The following EXOC3 variants were observed in gnomAD, a reference collection of about 807,000 sequenced individuals.
The protein encoded by EXOC3 is SEC6-like 1.
A neutral mutation model predicts 73.7 loss-of-function variants in EXOC3; 21 were observed. The observed-to-expected ratio is 0.29, with a 90% CI of 0.20 to 0.41. EXOC3 has a LOEUF of 0.41. Ranked by LOEUF, EXOC3 falls within the 10% of genes least tolerant of loss-of-function variation. The pLI is 1.00. For missense variants in EXOC3, 842 were observed against 985.1 expected (o/e 0.85, Z 1.95); for synonymous variants, 410 against 389.1 (o/e 1.05, Z -0.63).
Position 456,897 on chromosome 5 carries a change from T to C in EXOC3, c.1055T>C (p.Met352Thr). The C allele has an allele frequency of 1.9e-6, 3 of 1,613,386 alleles. No homozygotes were observed. The highest frequency in any genetic ancestry group is 2.5e-6 in the Non-Finnish European group (3 of 1,179,338). ...WVLNTYTSTE[M>T]MRNVELAPEV... ...TCCTGGTTCCCCCATAGTACTGAGA[T>C]GATGAGGAACGTGGAGCTGGCCCCG... is the stretch of plus-strand genomic sequence containing the variant. The change falls in exon 5 of 13, where the codon ATG becomes ACG. Residue 352 changes from methionine to threonine, a missense_variant. Met to Thr is a moderately conservative substitution (Grantham distance 81). Transcript: ENST00000512944.
chr5:461,211 C>T (rs1229673250), intron 7 of EXOC3, among the ~76,000 whole-genome samples: 1 of 152,174 alleles, frequency 6.6e-6, no homozygotes, highest in Admixed American at 6.5e-5. Context: ...TCACAATCAA[C>T]TATGTAGTAT....
At chr5:456,350 T>C (rs1248192133) in intron 4 of EXOC3, among the ~76,000 whole-genome samples, 1 of 152,108 alleles carries the variant, frequency 6.6e-6, no homozygotes, top group Non-Finnish European at 1.5e-5. Flanking sequence ...CCAAATACTT[T>C]CAGTTTGTGT....
intron 12 of EXOC3, 68 bp downstream of exon 12, chr5:465,913 T>C (rs1579747551): frequency 6.6e-7 from 1 of 1,525,288 alleles, no homozygotes. Flanking sequence ...CCTCCTTCTG[T>C]CTGGGGCGGG....
chr5:459,236 TCTCTGAA>T, intron 6 of EXOC3, 116 bp from the exon 7 acceptor site: 1 of 385,766 alleles, frequency 2.6e-6, no homozygotes, highest in Non-Finnish European at 4.6e-6. Flanking sequence ...ATTTTTTTTT[TCTCTGAA>T]TTTGGACTAT....
chr5:465,701 T>A lies in EXOC3; in HGVS notation c.1939-17T>A. ...GGACAGCCGAGGGCGGCTCCTCACA[T>A]TGCTGCTGCCTTCCAGGGTTTCGGG... On this transcript the variant is annotated splice_polypyrimidine_tract_variant and intron_variant, in intron 11 of 12. Transcript: ENST00000512944. 6.2e-7 allele frequency: 1 copy of A among 1,613,620 alleles called. No homozygotes were observed. Among genetic ancestry groups the A allele is most frequent in the Non-Finnish European group, 8.5e-7 (1 of 1,179,794 alleles).
At chr5:462,126 G>T in intron 8 of EXOC3, 31 bp from the exon 9 acceptor site, 4 of 1,612,094 alleles carry the variant, frequency 2.5e-6, no homozygotes, top group Non-Finnish European at 3.4e-6. Context: ...CTGCCCAGCC[G>T]CTGTGTTGAA....
At position 465,192 on chromosome 5, in the gene EXOC3, C is replaced by T; in HGVS notation, c.1858C>T (p.Pro620Ser). Residue 620 changes from proline (P) to serine (S), a missense_variant, in exon 11 of 13, where the codon CCG becomes TCG. Physicochemically the swap from Pro to Ser is moderately conservative, Grantham distance 74. Transcript: ENST00000512944. ...GCAGAAGCGCATTTCCTTCCGGAGC[C>T]CGGAGGAGCGCAAGGAGGGTGCCGA... Reference protein sequence around the residue: ...VMQKRISFRSPEERKEGAEKM... With the variant: ...VMQKRISFRSSEERKEGAEKM... 3 of 1,595,592 alleles carry T rather than the reference C, an allele frequency of 1.9e-6. No individual in the cohort carries two copies. The highest frequency in any genetic ancestry group is 2.6e-6 in the Non-Finnish European group (3 of 1,171,530).
chr5:455,708 A>G (rs546839084), intron 4 of EXOC3, among the ~76,000 whole-genome samples: 1 of 152,326 alleles, frequency 6.6e-6, no homozygotes, highest in Non-Finnish European at 1.5e-5. Flanking sequence ...GCTTCACGCC[A>G]TTCTCCTGCC....
At chr5:456,414 C>T (rs564296380) in intron 4 of EXOC3, among the ~76,000 whole-genome samples, 142 of 151,728 alleles carry the variant, frequency 9.4e-4, no homozygotes, top group African/African-American at 3.2e-3. Context: ...CTGTGCTTGT[C>T]GTTTTGACTG....
In EXOC3 at chr5:466,913, C is replaced by T. The variant is rs762297918; in HGVS notation, c.*15C>T. Reference sequence around the variant, plus strand: ...TGCTCAAGTAGCCTCCGCCGGCCTGCCCTGCTCGCCCCTCCACAGCCTCGG... The same window carrying T: ...TGCTCAAGTAGCCTCCGCCGGCCTGTCCTGCTCGCCCCTCCACAGCCTCGG... On this transcript the variant is annotated 3_prime_UTR_variant, in exon 13 of 13. Transcript: ENST00000512944. The T allele has an allele frequency of 3.8e-6, 6 of 1,577,840 alleles. No individual in the cohort carries two copies. Among genetic ancestry groups the T allele is most frequent in the East Asian group, 2.4e-5 (1 of 42,476 alleles).
intron 3 of EXOC3, among the ~76,000 whole-genome samples, chr5:450,837 C>A (rs1393516788): frequency 6.6e-6 from 1 of 150,608 alleles, no homozygotes; most frequent in Non-Finnish European, 1.5e-5. Flanking sequence ...ATTAGTATAA[C>A]CACTCCTGTT....
At chr5:463,799 A>G (rs186259790) in intron 9 of EXOC3, among the ~76,000 whole-genome samples, 9 of 152,372 alleles carry the variant, frequency 5.9e-5, no homozygotes, top group African/African-American at 1.9e-4. Context: ...GCAAAATGTG[A>G]AAAAAATTTA....
At chr5:461,196 A>G (rs1343949585) in intron 7 of EXOC3, among the ~76,000 whole-genome samples, 1 of 152,218 alleles carries the variant, frequency 6.6e-6, no homozygotes, top group East Asian at 1.9e-4. Context: ...TGCTTTCCCA[A>G]TTCCTCACAA....
rs1389535913 is a variant in EXOC3, at chr5:465,251, C to T, written c.1917C>T (p.Phe639=). Residue 639 remains phenylalanine (F), a synonymous_variant, in exon 11 of 13, where the codon TTC becomes TTT. Coordinates refer to ENST00000512944, the MANE Select transcript of EXOC3 (RefSeq NM_007277.5). ...TTAGGGAGGCAGAGCAGCTGCGCTTCCTGTTCCGGAAGCTGGCGTCCGTGA... is the reference window on the plus strand; with the variant it reads ...TTAGGGAGGCAGAGCAGCTGCGCTTTCTGTTCCGGAAGCTGGCGTCCGTGA... ...KMVREAEQLR[F]LFRKLASGFG... is the part of the protein sequence containing the mutation. The T allele has an allele frequency of 3.8e-6, 6 of 1,588,808 alleles. No homozygotes were observed. Among genetic ancestry groups the T allele is most frequent in the Non-Finnish European group, 5.1e-6 (6 of 1,168,284 alleles).
At chr5:452,041 T>G (rs1034016876) in intron 3 of EXOC3, among the ~76,000 whole-genome samples, 1 of 152,236 alleles carries the variant, frequency 6.6e-6, no homozygotes, top group East Asian at 1.9e-4. Context: ...TTGGAGGTCA[T>G]TGAGCTTCTT....
At position 446,282 on chromosome 5, in the gene EXOC3, T is replaced by C. The variant is rs1402255797; in HGVS notation, c.77T>C (p.Leu26Pro). Residue 26 changes from leucine to proline, a missense_variant, in exon 2 of 13, where the codon CTG becomes CCG. Physicochemically the swap from Leu to Pro is moderately conservative, Grantham distance 98. Coordinates refer to ENST00000512944, the MANE Select transcript of EXOC3 (RefSeq NM_007277.5). Reference protein sequence around the residue: ...VAGMLQRPDQLDKVEQYRRRE... With the variant: ...VAGMLQRPDQPDKVEQYRRRE... The stretch of plus-strand genomic sequence containing the variant: ...GGGATGCTCCAGCGCCCGGACCAGC[T>C]GGACAAGGTGGAGCAGTATCGCAGG... The C allele has an allele frequency of 1.9e-6, 3 of 1,613,794 alleles. No individual in the cohort carries two copies. The highest frequency in any genetic ancestry group is 2.5e-6 in the Non-Finnish European group (3 of 1,179,878).
intron 4 of EXOC3, among the ~76,000 whole-genome samples, chr5:455,043 G>C (rs7702826): frequency 1.1e-3 from 162 of 151,582 alleles, no homozygotes; most frequent in African/African-American, 3.3e-3. Flanking sequence ...CTGTGCAACC[G>C]TGGCGCTCTG....
chr5:464,633 G>A (rs1284844155), intron 10 of EXOC3: 4 of 509,244 alleles, frequency 7.9e-6, no homozygotes, highest in South Asian at 6.2e-5. Context: ...GGTGGAGGGA[G>A]CCATGGTTCC....
Position 462,210 on chromosome 5 carries a change from G to A in EXOC3, c.1556G>A (p.Gly519Asp). ...RKYLKNEVEE[G>D]VSPSQPSMDG... ...TATTTAAAGAATGAAGTGGAAGAGG[G>A]TGTGTCTCCGAGCCAGCCCAGCATG... Residue 519 changes from glycine to aspartate, a missense_variant, in exon 9 of 13, where the codon GGT (glycine) becomes GAT (aspartate). Transcript: ENST00000512944. 1 of 1,613,978 alleles carries A rather than the reference G, an allele frequency of 6.2e-7. No individual in the cohort carries two copies. The highest frequency in any genetic ancestry group is 1.3e-5 in the African/African-American group (1 of 75,066).
Sources: gnomAD v4.1 joint callset for allele counts (sites outside exome capture counted in the v4.1 genomes callset) on GRCh38, gnomAD v4.1.1 for gene constraint, MANE v1.5 for transcripts, NCBI Gene and HGNC (gene_info 2026-07-23, HGNC 2026-07-21) for gene names.